The following CMSS1 variants were observed in gnomAD, a reference collection of about 807,000 sequenced individuals.
CMSS1 encodes the protein cms1 ribosomal small subunit homolog.
A neutral mutation model predicts 43.5 loss-of-function variants in CMSS1; 33 were observed. That is an observed-to-expected ratio of 0.76 (90% CI 0.57 to 1.01). The LOEUF (loss-of-function observed/expected upper bound fraction) is 1.01, where lower values mean the gene tolerates loss of function less well. CMSS1 is among the 50% of genes least tolerant of loss of function. The probability of loss-of-function intolerance (pLI) is 0.00; values close to 1 mark genes in which losing one functional copy is unlikely to be tolerated. For missense variants in CMSS1, 313 were observed against 326.4 expected (o/e 0.96, Z 0.32); for synonymous variants, 115 against 117.2 (o/e 0.98, Z 0.12).
At chr3:99,868,194 A>T (rs911089047) in intron 1 of CMSS1, among the ~76,000 whole-genome samples, 4 of 152,130 alleles carry the variant, frequency 2.6e-5, no homozygotes, top group African/African-American at 9.7e-5. Context: ...GATGAGTAAG[A>T]CATTTTTAGG....
At chr3:100,148,711 G>A (rs1168440582) in intron 2 of CMSS1, among the ~76,000 whole-genome samples, 2 of 152,148 alleles carry the variant, frequency 1.3e-5, no homozygotes, top group Non-Finnish European at 2.9e-5. Flanking sequence ...GTGGTTATCA[G>A]AGAGTAATCA....
intron 1 of CMSS1, among the ~76,000 whole-genome samples, chr3:99,950,743 T>C (rs1427071314): frequency 1.3e-5 from 2 of 152,220 alleles, no homozygotes; most frequent in South Asian, 4.1e-4. Context: ...GTTAAATTCT[T>C]TGTTATGTTT....
intron 1 of CMSS1, among the ~76,000 whole-genome samples, chr3:100,064,211 G>A (rs941711726): frequency 2.6e-5 from 4 of 152,168 alleles, no homozygotes; most frequent in East Asian, 3.8e-4. Flanking sequence ...TATTTAGGAC[G>A]TGTGGTGGAT....
intron 1 of CMSS1, among the ~76,000 whole-genome samples, chr3:100,123,915 A>C (rs939626538): frequency 5.9e-5 from 9 of 152,226 alleles, no homozygotes; most frequent in African/African-American, 2.2e-4. Flanking sequence ...TATTCAATAA[A>C]TATTCATTAC....
At chr3:99,929,817 G>T (rs748791938) in intron 1 of CMSS1, 58 of 1,498,790 alleles carry the variant, frequency 3.9e-5, no homozygotes, top group Non-Finnish European at 4.9e-5. Flanking sequence ...GCTAGTGCTT[G>T]GCTGCCTCCC....
chr3:99,999,202 G>T (rs1050924603), intron 1 of CMSS1, among the ~76,000 whole-genome samples: 11 of 152,112 alleles, frequency 7.2e-5, no homozygotes, highest in African/African-American at 2.7e-4. Context: ...CTCTAGGTGA[G>T]GAAGCATATT....
chr3:99,831,023 T>G (rs1942653157), intron 1 of CMSS1, among the ~76,000 whole-genome samples: 2 of 152,160 alleles, frequency 1.3e-5, no homozygotes. Context: ...GTTTTCACAG[T>G]ATGAGTGAGA....
At chr3:99,898,803 T>A (rs1434483580) in intron 1 of CMSS1, 1 of 150,886 alleles carries the variant, frequency 6.6e-6, no homozygotes, top group African/African-American at 2.4e-5. Flanking sequence ...TTTCACATCA[T>A]CCTAGCAGTT....
At chr3:100,169,095 T>C (rs1246223798) in intron 6 of CMSS1, among the ~76,000 whole-genome samples, 1 of 151,802 alleles carries the variant, frequency 6.6e-6, no homozygotes, top group African/African-American at 2.4e-5. Flanking sequence ...GAAAGACGGA[T>C]TGTTTAATAA....
intron 1 of CMSS1, among the ~76,000 whole-genome samples, chr3:100,035,729 G>T (rs943537121): frequency 2.6e-5 from 4 of 152,078 alleles, no homozygotes; most frequent in African/African-American, 9.7e-5. Flanking sequence ...TTATTTTATT[G>T]TAATAGAAAA....
chr3:99,850,789 T>A (rs1373428171), intron 1 of CMSS1: 6 of 1,614,232 alleles, frequency 3.7e-6, no homozygotes, highest in Non-Finnish European at 4.2e-6. Flanking sequence ...GGTCTGCGTT[T>A]GCAGTTCCTT....
At chr3:99,922,426 C>G (rs1707153620) in intron 1 of CMSS1, among the ~76,000 whole-genome samples, 1 of 152,148 alleles carries the variant, frequency 6.6e-6, no homozygotes, top group African/African-American at 2.4e-5. Flanking sequence ...TTAGTAGGAC[C>G]TTTCCCCTGC....
chr3:99,946,326 G>A (rs1708006527), intron 1 of CMSS1, among the ~76,000 whole-genome samples: 2 of 152,206 alleles, frequency 1.3e-5, no homozygotes, highest in East Asian at 3.8e-4. Flanking sequence ...AATAGAAAAA[G>A]CTACAACTAT....
At chr3:100,043,015 G>C (rs1235978774) in intron 1 of CMSS1, among the ~76,000 whole-genome samples, 1 of 152,262 alleles carries the variant, frequency 6.6e-6, no homozygotes, top group East Asian at 1.9e-4. Context: ...AACATAGCCT[G>C]TGCTGGTCAC....
At chr3:100,013,010 C>A (rs950682029) in intron 1 of CMSS1, among the ~76,000 whole-genome samples, 1 of 151,978 alleles carries the variant, frequency 6.6e-6, no homozygotes, top group African/African-American at 2.4e-5. Context: ...GTTGTCCGGG[C>A]TGATCTTCAC....
At position 100,022,770 on chromosome 3, in the gene CMSS1, A is replaced by G. The variant is rs1044692349; in HGVS notation, c.65-124203A>G. On this transcript the variant is annotated intron_variant, in intron 1 of 9. Transcript: ENST00000421999. ...TTCCCATGGTTATTTTCTGCTGCCC[A>G]GTTGTTATTTGTACTTATTTAAAAA... is the stretch of plus-strand genomic sequence containing the variant. Among the ~76,000 whole-genome samples the G allele has an allele frequency of 2.0e-5, 3 of 152,106 alleles. No individual in the cohort carries two copies. In the South Asian group the frequency reaches 6.2e-4, roughly 32 times the overall value.
intron 9 of CMSS1, among the ~76,000 whole-genome samples, chr3:100,177,423 TAA>T (rs1553720822): frequency 1.3e-5 from 2 of 152,262 alleles, no homozygotes; most frequent in Non-Finnish European, 2.9e-5. Context: ...ACTAATCTAC[TAA>T]GTTTCTAATT....
intron 2 of CMSS1, chr3:100,159,906 T>G (rs1462250609): frequency 2.2e-6 from 1 of 456,532 alleles, no homozygotes; most frequent in Non-Finnish European, 4.4e-6. Context: ...ATGCAGCTGG[T>G]TTATAAAAAC....
At chr3:99,989,874 T>C (rs552836449) in intron 1 of CMSS1, among the ~76,000 whole-genome samples, 1 of 152,292 alleles carries the variant, frequency 6.6e-6, no homozygotes, top group East Asian at 1.9e-4. Context: ...TAGTCAATGT[T>C]AAGATTTCAA....
Sources: allele counts gnomAD v4.1 joint callset (sites outside exome capture counted in the v4.1 genomes callset), GRCh38; gene constraint gnomAD v4.1.1; transcripts MANE v1.5; gene names NCBI Gene and HGNC (gene_info 2026-07-23, HGNC 2026-07-21).